Variants in ARIH2 observed in about 807,000 individuals in gnomAD.
ARIH2 encodes the protein E3 ubiquitin-protein ligase ARIH2.
In ARIH2, 12 loss-of-function variants were observed where a neutral mutation model predicts 79.8. That is an observed-to-expected ratio of 0.15 (90% CI 0.10 to 0.24). The LOEUF (loss-of-function observed/expected upper bound fraction) is 0.24, where lower values mean the gene tolerates loss of function less well. Among genes scored for constraint, ARIH2 ranks in the 10% least tolerant of loss-of-function variants. The probability of loss-of-function intolerance (pLI) is 1.00; values close to 1 mark genes in which losing one functional copy is unlikely to be tolerated. For synonymous variants in ARIH2, 224 were observed against 213.9 expected (o/e 1.05, Z -0.41); for missense variants, 301 against 618.3 (o/e 0.49, Z 5.44).
At chr3:48,952,625 G>T (rs909149477) in intron 3 of ARIH2, among the ~76,000 whole-genome samples, 1 of 152,140 alleles carries the variant, frequency 6.6e-6, no homozygotes, top group Non-Finnish European at 1.5e-5. Context: ...ATGGGAGAGG[G>T]TAAAGTGGTT....
chr3:48,939,881 A>G (rs1160360676), intron 3 of ARIH2, among the ~76,000 whole-genome samples: 2 of 151,990 alleles, frequency 1.3e-5, no homozygotes. Flanking sequence ...TCACATTGTT[A>G]TGCAACCATC....
intron 2 of ARIH2, 103 bp from the exon 3 acceptor site, chr3:48,927,359 A>T: frequency 1.7e-6 from 1 of 591,436 alleles, no homozygotes; most frequent in Non-Finnish European, 2.9e-6. Flanking sequence ...AATAGGCTGT[A>T]GTGAGATTAG....
In ARIH2 at chr3:48,985,813, A is replaced by C. The variant is rs2092889237; in HGVS notation, c.*2543A>C. ...CAGGCTGAATCATTCCCCACCACAG[A>C]TAGATCCCAGGGTTGTGGTAGAGTA... On this transcript the variant is annotated 3_prime_UTR_variant, in exon 16 of 16. Transcript: ENST00000356401. The C allele has an allele frequency of 6.6e-6, 1 of 152,138 alleles. No homozygotes were observed. The allele number at this position is 152,138 out of a possible 1,614,324, so 9.4% of individuals were successfully genotyped here.
chr3:48,961,103 C>T (rs2091200359), intron 3 of ARIH2, among the ~76,000 whole-genome samples: 1 of 152,136 alleles, frequency 6.6e-6, no homozygotes, highest in Admixed American at 6.5e-5. Context: ...TGATTGGCTG[C>T]TGGGAATTCA....
At position 48,985,448 on chromosome 3, in the gene ARIH2, T is replaced by A. The variant is rs1290213988; in HGVS notation, c.*2178T>A. Reference sequence around the variant, plus strand: ...TTCATGAATTTACCATATATCTTTGTTTTTCTTCAACGAAAAAGTTAATTG... The same window carrying A: ...TTCATGAATTTACCATATATCTTTGATTTTCTTCAACGAAAAAGTTAATTG... On this transcript the variant is annotated 3_prime_UTR_variant, in exon 16 of 16. Transcript: ENST00000356401. 6.6e-6 allele frequency: 1 copy of A among 152,226 alleles called. No homozygotes were observed. Among genetic ancestry groups the A allele is most frequent in the Non-Finnish European group, 1.5e-5 (1 of 68,034 alleles). 9.4% of individuals were successfully genotyped at this position (152,226 alleles called of 1,614,324 possible).
At chr3:48,931,436 C>G (rs2086342025) in intron 3 of ARIH2, among the ~76,000 whole-genome samples, 1 of 152,040 alleles carries the variant, frequency 6.6e-6, no homozygotes, top group Non-Finnish European at 1.5e-5. Flanking sequence ...GTGGTCCCAG[C>G]TACTCAGGAG....
In ARIH2 at chr3:48,984,661, C is replaced by T. The variant is rs1048936155; in HGVS notation, c.*1391C>T. 2 of 152,196 alleles carry T rather than the reference C, an allele frequency of 1.3e-5. No homozygotes were observed. The highest frequency in any genetic ancestry group is 4.8e-5 in the African/African-American group (2 of 41,450). The allele number at this position is 152,196 out of a possible 1,614,324, so 9.4% of individuals were successfully genotyped here. Reference sequence around the variant, plus strand: ...TGTGGCTTTGTTCAATGCTTCCACTCTAGGGCAGGCAGAGCAGTCTATACT... The same window carrying T: ...TGTGGCTTTGTTCAATGCTTCCACTTTAGGGCAGGCAGAGCAGTCTATACT... On this transcript the variant is annotated 3_prime_UTR_variant, in exon 16 of 16. Transcript: ENST00000356401.
chr3:48,941,972 G>C (rs1344898916), intron 3 of ARIH2, among the ~76,000 whole-genome samples: 1 of 150,168 alleles, frequency 6.7e-6, no homozygotes, highest in African/African-American at 2.5e-5. Flanking sequence ...TGCACCCTCC[G>C]CCCCCCGAGT....
chr3:48,965,542 C>T (rs2091702758), intron 5 of ARIH2, among the ~76,000 whole-genome samples: 1 of 152,200 alleles, frequency 6.6e-6, no homozygotes, highest in Non-Finnish European at 1.5e-5. Flanking sequence ...AGCCTGCACT[C>T]CATTCCTTCT....
At position 48,940,435 on chromosome 3, in the gene ARIH2, C is replaced by T. The variant is rs577715803; in HGVS notation, c.255+12622C>T. Among the ~76,000 whole-genome samples, 19 of 152,226 alleles carry T rather than the reference C, an allele frequency of 1.2e-4. No individual in the cohort carries two copies. The East Asian group carries it at 1.7e-3, about 14-fold the overall frequency. ...TGAGCCAAGTCTGGATGCGGTGGCT[C>T]ACTCCTGTAATCCCAGCACTTAGGG... On this transcript the variant is annotated intron_variant, in intron 3 of 15. Transcript: ENST00000356401.
At chr3:48,970,357 C>G (rs2092145383) in intron 7 of ARIH2, among the ~76,000 whole-genome samples, 1 of 152,142 alleles carries the variant, frequency 6.6e-6, no homozygotes, top group Admixed American at 6.5e-5. Flanking sequence ...ATGCCTGGTG[C>G]AATTCTATAT....
chr3:48,981,740 C>T lies in ARIH2; in HGVS notation c.1326+12C>T, dbSNP rs765838761. 6 of 1,608,630 alleles carry T rather than the reference C, an allele frequency of 3.7e-6. No homozygotes were observed. In the East Asian group the frequency reaches 1.3e-4, roughly 36 times the overall value. On this transcript the variant is annotated intron_variant, in intron 14 of 15. Transcript: ENST00000356401. ...CCAGGAAGAAGCTGGTAAGGCAAAG[C>T]AATTTTTCTACTCTGTCCCGTTAGC...
intron 3 of ARIH2, among the ~76,000 whole-genome samples, chr3:48,940,369 A>T (rs2087914898): frequency 6.6e-6 from 1 of 152,084 alleles, no homozygotes; most frequent in African/African-American, 2.4e-5. Context: ...AGATAGATAG[A>T]TAGATTAGAT....
chr3:48,975,461 C>T (rs767277125), intron 11 of ARIH2, among the ~76,000 whole-genome samples: 1 of 152,186 alleles, frequency 6.6e-6, no homozygotes, highest in Non-Finnish European at 1.5e-5. Context: ...TGTATGCCAT[C>T]CGGCCAGGTC....
chr3:48,919,095 C>T, intron 1 of ARIH2, 97 bp downstream of exon 1: 4 of 1,272,336 alleles, frequency 3.1e-6, no homozygotes, highest in Non-Finnish European at 4.0e-6. Context: ...ACTCCGCCTT[C>T]GCCGTCGCCC....
chr3:48,926,924 T>G (rs1576121954), intron 2 of ARIH2: 1 of 153,488 alleles, frequency 6.5e-6, no homozygotes, highest in East Asian at 1.9e-4. Flanking sequence ...TATGTGTGTT[T>G]TTTTTTTCTT....
At chr3:48,975,898 A>G (rs915474417) in intron 11 of ARIH2, among the ~76,000 whole-genome samples, 6 of 148,546 alleles carry the variant, frequency 4.0e-5, no homozygotes, top group African/African-American at 1.5e-4. Context: ...TGCAAATGCT[A>G]TTTCCAGGAA....
At chr3:48,921,697 C>T (rs2084847481) in intron 1 of ARIH2, 1 of 151,976 alleles carries the variant, frequency 6.6e-6, no homozygotes, top group South Asian at 2.1e-4. Flanking sequence ...GCCTCCCAAA[C>T]CAAAGTGCTG....
intron 3 of ARIH2, among the ~76,000 whole-genome samples, chr3:48,951,404 G>T (rs1325188602): frequency 6.6e-6 from 1 of 152,030 alleles, no homozygotes; most frequent in African/African-American, 2.4e-5. Context: ...TATGTCTGTG[G>T]AATATTGGGG....
Sources: gnomAD v4.1 joint callset for allele counts (sites outside exome capture counted in the v4.1 genomes callset) on GRCh38, gnomAD v4.1.1 for gene constraint, MANE v1.5 for transcripts, NCBI Gene and HGNC (gene_info 2026-07-23, HGNC 2026-07-21) for gene names.